The following RGL1 variants were observed in gnomAD, a reference collection of about 807,000 sequenced individuals.
The protein encoded by RGL1 is ral guanine nucleotide dissociation stimulator like 1, also known as ral guanine nucleotide dissociation stimulator-like 1.
Under a neutral mutation model 95.2 loss-of-function variants are expected in RGL1, and 24 were observed. The ratio of observed to expected loss-of-function variants is 0.25; its 90% CI spans 0.18 to 0.35. The LOEUF (loss-of-function observed/expected upper bound fraction) is 0.35, where lower values mean the gene tolerates loss of function less well. Ranked by LOEUF, RGL1 falls within the 10% of genes least tolerant of loss-of-function variation. The pLI is 1.00. For synonymous variants in RGL1, 329 were observed against 344.9 expected (o/e 0.95, Z 0.51); for missense variants, 715 against 936.3 (o/e 0.76, Z 3.08).
chr1:183,643,258 GTTTTTTTA>G lies in RGL1; in HGVS notation c.-33+6761_-33+6768del, dbSNP rs1467747439. ...TGTAGAACTATCTCTTTGAGGTCCT[GTTTTTTTA>G]TTTATTTATTTATTTATTTATTTAT... On this transcript the variant is annotated intron_variant, in intron 1 of 18. Transcript: ENST00000304685. Among the ~76,000 whole-genome samples, 151 of 142,970 alleles carry G rather than the reference GTTTTTTTA, an allele frequency of 1.1e-3. 1 individual carries two copies. The highest frequency in any genetic ancestry group is 3.6e-3 in the Middle Eastern group (1 of 278). The allele number at this position is 142,970 out of a possible 152,430, so 93.8% of individuals were successfully genotyped here.
intron 1 of RGL1, among the ~76,000 whole-genome samples, chr1:183,641,205 G>T (rs1423386157): frequency 2.0e-5 from 3 of 152,080 alleles, no homozygotes; most frequent in African/African-American, 7.2e-5. Flanking sequence ...TATGATCTTG[G>T]CTTACTGCAG....
intron 2 of RGL1, among the ~76,000 whole-genome samples, chr1:183,839,620 G>C (rs977696611): frequency 2.8e-4 from 43 of 152,110 alleles, no homozygotes. Context: ...CATCAAATCT[G>C]TCCTCCACGT....
At chr1:183,857,542 TC>T (rs1354239669) in intron 3 of RGL1, among the ~76,000 whole-genome samples, 1 of 152,174 alleles carries the variant, frequency 6.6e-6, no homozygotes, top group Non-Finnish European at 1.5e-5. Flanking sequence ...TCACCTTTGT[TC>T]TGTTCAGGAC....
Position 183,692,372 on chromosome 1 carries a change from C to T in RGL1, c.-32-49754C>T, listed in dbSNP as rs1437790312. Among the ~76,000 whole-genome samples, 4 of 152,256 alleles carry T rather than the reference C, an allele frequency of 2.6e-5. No homozygotes were observed. In the East Asian group the frequency reaches 7.7e-4, roughly 29 times the overall value. On this transcript the variant is annotated intron_variant, in intron 1 of 18. Transcript: ENST00000304685. ...AGTGCAATCCATTCCCAATGGGGAG[C>T]AGTGGGTCATGACTGGATGAACCAT... is the stretch of plus-strand genomic sequence containing the variant.
At chr1:183,851,937 G>T (rs1406932525) in intron 3 of RGL1, among the ~76,000 whole-genome samples, 1 of 152,190 alleles carries the variant, frequency 6.6e-6, no homozygotes, top group East Asian at 1.9e-4. Flanking sequence ...ATGAGCATTT[G>T]AAATATTATT....
Position 183,912,329 on chromosome 1 carries a change from C to T in RGL1, c.1749+61C>T, listed in dbSNP as rs184631705. 370 of 1,354,156 alleles carry T rather than the reference C, an allele frequency of 2.7e-4. 1 individual carries two copies. The African/African-American group carries it at 3.6e-3, about 13-fold the overall frequency. The allele number at this position is 1,354,156 out of a possible 1,614,324, so 83.9% of individuals were successfully genotyped here. A position where few individuals can be genotyped will look rare whatever the true frequency, so the allele number is the denominator to read the frequency against. On this transcript the variant is annotated intron_variant, in intron 15 of 17. Transcript: ENST00000360851. ...GGCACCTACATGCTCTTTGCCACAC[C>T]ACAGCAAGGAATGTCTGTTTTTAAG... is the stretch of plus-strand genomic sequence containing the variant.
At chr1:183,775,074 T>G (rs756933913) in intron 2 of RGL1, among the ~76,000 whole-genome samples, 6 of 152,174 alleles carry the variant, frequency 3.9e-5, no homozygotes, top group Non-Finnish European at 7.3e-5. Context: ...ACCCCTAATT[T>G]TAGTCCCTCA....
At chr1:183,884,506 G>A (rs1290019231) in intron 6 of RGL1, among the ~76,000 whole-genome samples, 2 of 152,206 alleles carry the variant, frequency 1.3e-5, no homozygotes, top group African/African-American at 2.4e-5. Flanking sequence ...ACAAGGCAGT[G>A]TGGAACAGGG....
intron 1 of RGL1, among the ~76,000 whole-genome samples, chr1:183,739,460 A>T (rs754224465): frequency 9.9e-5 from 15 of 152,184 alleles, no homozygotes; most frequent in Non-Finnish European, 1.5e-4. Context: ...AAGTTATTTA[A>T]CCTCTCTGAA....
chr1:183,751,334 G>A (rs925970532), intron 2 of RGL1, among the ~76,000 whole-genome samples: 5 of 152,272 alleles, frequency 3.3e-5, no homozygotes, highest in African/African-American at 9.6e-5. Context: ...CACCCAGTCC[G>A]AACTTCCCAA....
At chr1:183,855,242 G>C (rs1045661865) in intron 3 of RGL1, among the ~76,000 whole-genome samples, 1 of 152,172 alleles carries the variant, frequency 6.6e-6, no homozygotes, top group Non-Finnish European at 1.5e-5. Flanking sequence ...TCACTGTCAA[G>C]GCCATGAGGC....
intron 2 of RGL1, among the ~76,000 whole-genome samples, chr1:183,823,824 C>T (rs1662662393): frequency 6.6e-6 from 1 of 152,160 alleles, no homozygotes; most frequent in African/African-American, 2.4e-5. Context: ...GGGTCTTGCT[C>T]TGTCACACAA....
At chr1:183,702,707 A>T (rs1654672608) in intron 1 of RGL1, among the ~76,000 whole-genome samples, 1 of 152,196 alleles carries the variant, frequency 6.6e-6, no homozygotes, top group South Asian at 2.1e-4. Flanking sequence ...GTGGGCAGGC[A>T]TTCGAGGCTG....
At chr1:183,884,587 C>T (rs1270226440) in intron 6 of RGL1, 136 bp from the exon 7 acceptor site, 1 of 676,232 alleles carries the variant, frequency 1.5e-6, no homozygotes, top group Non-Finnish European at 2.5e-6. Context: ...TTGAAATGGA[C>T]ACCATGAGAC....
At chr1:183,728,024 T>G (rs1228093085) in intron 1 of RGL1, among the ~76,000 whole-genome samples, 1 of 152,116 alleles carries the variant, frequency 6.6e-6, no homozygotes, top group Admixed American at 6.6e-5. Context: ...CCCCAGTGTA[T>G]ATGGGCCTCA....
intron 3 of RGL1, among the ~76,000 whole-genome samples, chr1:183,854,415 A>G (rs1280566504): frequency 1.3e-5 from 2 of 152,234 alleles, no homozygotes; most frequent in African/African-American, 4.8e-5. Context: ...GTGGGAACAG[A>G]AACCTTAAAT....
At chr1:183,751,865 C>T (rs116714427) in intron 2 of RGL1, among the ~76,000 whole-genome samples, 2,564 of 152,258 alleles carry the variant, frequency 0.017, 83 homozygotes, top group African/African-American at 0.057. Context: ...TATGCTTGCT[C>T]TCCATGGGCT....
At chr1:183,872,976 G>A (rs980737904) in intron 4 of RGL1, among the ~76,000 whole-genome samples, 6 of 152,184 alleles carry the variant, frequency 3.9e-5, no homozygotes, top group Non-Finnish European at 7.4e-5. Context: ...ATATCGAAGA[G>A]TCTGGTATTG....
chr1:183,746,366 A>T (rs1016576484), intron 2 of RGL1, among the ~76,000 whole-genome samples: 4 of 152,084 alleles, frequency 2.6e-5, no homozygotes, highest in Non-Finnish European at 4.4e-5. Context: ...ATGTATGTAT[A>T]TATAAACACA....
Sources: allele counts gnomAD v4.1 joint callset (sites outside exome capture counted in the v4.1 genomes callset), GRCh38; gene constraint gnomAD v4.1.1; transcripts MANE v1.5; gene names NCBI Gene and HGNC (gene_info 2026-07-23, HGNC 2026-07-21).